TUSC3: variants seen among roughly 807,000 people sequenced by gnomAD.
TUSC3 encodes the protein dolichyl-diphosphooligosaccharide--protein glycosyltransferase subunit TUSC3.
Under a neutral mutation model 44.8 loss-of-function variants are expected in TUSC3, and 45 were observed. The ratio of observed to expected loss-of-function variants is 1.00; its 90% CI spans 0.79 to 1.29. The LOEUF is 1.29. Ranked by LOEUF, TUSC3 falls within the 50% of genes most tolerant of loss-of-function variation. The pLI, the probability that TUSC3 is intolerant of heterozygous loss-of-function variation, is 0.00. For missense variants in TUSC3, 519 were observed against 437.9 expected, an observed-to-expected ratio of 1.19 and a Z score of -1.65; for synonymous variants, 212 against 152.9, an observed-to-expected ratio of 1.39 and a Z score of -2.85.
At chr8:15,741,436 C>T (rs139874911) in intron 7 of TUSC3, among the ~76,000 whole-genome samples, 109 of 152,222 alleles carry the variant, frequency 7.2e-4, no homozygotes, top group Non-Finnish European at 1.1e-3. Flanking sequence ...TAGCTGGGCG[C>T]GGTGGCTCAC....
In TUSC3 at chr8:15,764,406, A is replaced by G. The variant is rs1223094430; in HGVS notation, c.*250A>G. 4 of 571,226 alleles carry G rather than the reference A, an allele frequency of 7.0e-6. No homozygotes were observed. Among genetic ancestry groups the G allele is most frequent in the Admixed American group, 3.2e-5 (1 of 31,390 alleles). The allele number at this position is 571,226 out of a possible 1,614,324, so 35.4% of individuals were successfully genotyped here. A position where few individuals can be genotyped will look rare whatever the true frequency, so the allele number is the denominator to read the frequency against. On this transcript the variant is annotated 3_prime_UTR_variant, in exon 11 of 11. Coordinates refer to ENST00000503731, the MANE Select transcript of TUSC3 (RefSeq NM_006765.4). ...AATGGTAGCATTTAGTAATCTACAA[A>G]GGAAATATCAAAGTGTTTTTCAAGC...
intron 7 of TUSC3, among the ~76,000 whole-genome samples, chr8:15,735,636 A>G (rs1810894603): frequency 6.6e-6 from 1 of 152,160 alleles, no homozygotes; most frequent in Admixed American, 6.5e-5. Context: ...TATTGTGTTT[A>G]TTTGTTGTAA....
the TUSC3 span, among the ~76,000 whole-genome samples, chr8:15,784,436 C>T: frequency 1.3e-5 from 2 of 151,516 alleles, no homozygotes; most frequent in Admixed American, 1.3e-4. Context: ...TTCACAATAG[C>T]CAAGATATGA....
downstream of TUSC3, among the ~76,000 whole-genome samples, chr8:15,771,353 A>C (rs1193340968): frequency 1.3e-5 from 2 of 152,182 alleles, no homozygotes; most frequent in Non-Finnish European, 2.9e-5. Context: ...ATTCATATGG[A>C]AATGCATGGG....
In TUSC3 at chr8:15,632,140, C is replaced by G. The variant is rs143793179; in HGVS notation, c.308+8891C>G. Among the ~76,000 whole-genome samples the G allele has an allele frequency of 3.0e-3, 462 of 152,188 alleles. 2 individuals are homozygous for G. The highest frequency in any genetic ancestry group is 0.011 in the African/African-American group (448 of 41,518). On this transcript the variant is annotated intron_variant, in intron 2 of 10. Coordinates refer to ENST00000503731, the MANE Select transcript of TUSC3 (RefSeq NM_006765.4). ...TCCAAAATGTCTTTTATTTCACTCC[C>G]GCACCCCCATGCCATGTGAGATCCA...
At chr8:15,548,578 C>G (rs1281849517) in intron 1 of TUSC3, among the ~76,000 whole-genome samples, 1 of 151,816 alleles carries the variant, frequency 6.6e-6, no homozygotes, top group East Asian at 1.9e-4. Context: ...ATGGGAAGAA[C>G]TGGGTACTTG....
chr8:15,489,663 C>T (rs1220667022), intron 2 of TUSC3, among the ~76,000 whole-genome samples: 1 of 152,110 alleles, frequency 6.6e-6, no homozygotes, highest in Admixed American at 6.6e-5. Context: ...TATCTCACTG[C>T]CACAAAGAGT....
rs560218031 is a variant in TUSC3, at chr8:15,711,044, T to C, written c.799-19622T>C. ...TATAGTAAATTAAGAACTTCTCATC[T>C]AAATTCAGGCTTGTCTCTGATAATG... On this transcript the variant is annotated intron_variant, in intron 6 of 10. Transcript: ENST00000503731. Among the ~76,000 whole-genome samples, 9 of 151,780 alleles carry C rather than the reference T, an allele frequency of 5.9e-5. No homozygotes were observed. The South Asian group carries it at 1.9e-3, about 31-fold the overall frequency.
intron 6 of TUSC3, among the ~76,000 whole-genome samples, chr8:15,679,729 A>G (rs772174611): frequency 1.3e-5 from 2 of 152,012 alleles, no homozygotes; most frequent in African/African-American, 2.4e-5. Flanking sequence ...AGTTTTAGGT[A>G]TTTTTAAGTC....
chr8:15,606,747 T>C (rs1804544727), intron 1 of TUSC3, among the ~76,000 whole-genome samples: 1 of 152,098 alleles, frequency 6.6e-6, no homozygotes, highest in South Asian at 2.1e-4. Context: ...TGATTATTTC[T>C]TTAGGATAAA....
chr8:15,697,170 A>C (rs1343643097), intron 6 of TUSC3, among the ~76,000 whole-genome samples: 2 of 151,508 alleles, frequency 1.3e-5, no homozygotes, highest in African/African-American at 4.9e-5. Context: ...TTTTGTCTCT[A>C]TTTTTCTTGG....
chr8:15,439,473 C>A lies in TUSC3; in HGVS notation n.91+22168C>A, dbSNP rs143509495. 8.5e-5 allele frequency among the ~76,000 whole-genome samples: 13 copies of A among 152,306 alleles called. No homozygotes were observed. In the East Asian group the frequency reaches 2.3e-3, roughly 27 times the overall value. Reference sequence around the variant, plus strand: ...TCAGGAGGCTGAGATGGGAGGATCACTTGAGCCTAGGAGGTTGAGGCTGAA... The same window carrying A: ...TCAGGAGGCTGAGATGGGAGGATCAATTGAGCCTAGGAGGTTGAGGCTGAA... On this transcript the variant is annotated intron_variant and non_coding_transcript_variant, in intron 1 of 5. Transcript: ENST00000503191.
chr8:15,841,360 G>A, the TUSC3 span, among the ~76,000 whole-genome samples: 5 of 151,740 alleles, frequency 3.3e-5, no homozygotes, highest in South Asian at 1.0e-3. Flanking sequence ...ACTAGCTAAG[G>A]TCAAGTCCTC....
chr8:15,820,025 AT>A, the TUSC3 span, among the ~76,000 whole-genome samples: 2 of 152,180 alleles, frequency 1.3e-5, no homozygotes, highest in Non-Finnish European at 2.9e-5. Context: ...TACTTTATCA[AT>A]TTGAACTGTT....
At chr8:15,719,362 C>G (rs1040223735) in intron 6 of TUSC3, among the ~76,000 whole-genome samples, 5 of 152,022 alleles carry the variant, frequency 3.3e-5, no homozygotes, top group Admixed American at 6.6e-5. Context: ...CCAAAGATGT[C>G]TCTGTGGTGT....
chr8:15,573,198 CTCTCTATATATATA>C lies in TUSC3; in HGVS notation c.138+32632_138+32645del, dbSNP rs1469269184. On this transcript the variant is annotated intron_variant, in intron 1 of 10. Transcript: ENST00000503731. ...TCTCTCTCTCTCTCTCTCTCTCTCT[CTCTCTATATATATA>C]TATATATATATATATATAAAAGTTT... Among the ~76,000 whole-genome samples, 56 of 101,554 alleles carry C rather than the reference CTCTCTATATATATA, an allele frequency of 5.5e-4. No homozygotes were observed. The East Asian group carries it at 5.8e-3, about 11-fold the overall frequency. 66.6% of individuals were successfully genotyped at this position (101,554 alleles called of 152,430 possible).
intron 1 of TUSC3, among the ~76,000 whole-genome samples, chr8:15,421,484 A>G (rs1162739884): frequency 1.3e-5 from 2 of 152,194 alleles, no homozygotes; most frequent in Non-Finnish European, 2.9e-5. Flanking sequence ...CTTATTAAAG[A>G]CACTAAACTG....
At chr8:15,626,490 C>G (rs960594460) in intron 2 of TUSC3, among the ~76,000 whole-genome samples, 1 of 152,212 alleles carries the variant, frequency 6.6e-6, no homozygotes, top group African/African-American at 2.4e-5. Context: ...TGGCTGTGGA[C>G]CAGTATATCC....
At chr8:15,472,367 C>G (rs758193648) in intron 1 of TUSC3, among the ~76,000 whole-genome samples, 1 of 152,130 alleles carries the variant, frequency 6.6e-6, no homozygotes, top group Non-Finnish European at 1.5e-5. Context: ...ACTTTTCTAT[C>G]TAGAAAGTTA....
Sources: gnomAD v4.1 joint callset for allele counts (sites outside exome capture counted in the v4.1 genomes callset) on GRCh38, gnomAD v4.1.1 for gene constraint, MANE v1.5 for transcripts, NCBI Gene and HGNC (gene_info 2026-07-23, HGNC 2026-07-21) for gene names.